The following DENND1A variants were observed in gnomAD, a reference collection of about 807,000 sequenced individuals.
DENND1A encodes the protein DENN domain-containing protein 1A.
DENND1A carries 51 observed loss-of-function variants against 113.7 expected under a neutral mutation model. That is an observed-to-expected ratio of 0.45 (90% CI 0.36 to 0.57). DENND1A has a LOEUF of 0.57. DENND1A is among the 20% of genes least tolerant of loss of function. The pLI is 0.00. For synonymous variants in DENND1A, 565 were observed against 570.8 expected, an observed-to-expected ratio of 0.99 and a Z score of 0.14; for missense variants, 1,258 against 1,395.9, an observed-to-expected ratio of 0.90 and a Z score of 1.57.
rs548709158 is a variant in DENND1A at position 123,519,412 on chromosome 9, A to G, written c.993+38158T>C. 9.3e-5 allele frequency among the ~76,000 whole-genome samples: 14 copies of G among 151,346 alleles called. No individual in the cohort carries two copies. The East Asian group carries it at 2.7e-3, about 30-fold the overall frequency. On this transcript the variant is annotated intron_variant, in intron 13 of 23. Transcript: ENST00000394215. ...GCTGACTCTTTCAGATTCCATCCCC[A>G]GAGCTGGGCTGGGTCCTCATATCTT...
chr9:123,809,639 G>A (rs1836202791), intron 2 of DENND1A, among the ~76,000 whole-genome samples: 1 of 152,150 alleles, frequency 6.6e-6, no homozygotes, highest in African/African-American at 2.4e-5. Context: ...ATTTTTCAAT[G>A]GAGAAAAATT....
At chr9:123,734,717 G>A (rs1439545572) in intron 5 of DENND1A, among the ~76,000 whole-genome samples, 2 of 152,188 alleles carry the variant, frequency 1.3e-5, no homozygotes, top group African/African-American at 4.8e-5. Context: ...GAAGAGTGGA[G>A]GAGAGAATGC....
Position 123,930,053 on chromosome 9 carries a change from T to TCGC in DENND1A, c.-151_-149dup, listed in dbSNP as rs1172827967. The TCGC allele has an allele frequency of 3.8e-3, 777 of 204,550 alleles. 4 individuals are homozygous for TCGC. Among genetic ancestry groups the TCGC allele is most frequent in the African/African-American group, 0.018 (740 of 40,922 alleles). 12.7% of individuals were successfully genotyped at this position (204,550 alleles called of 1,614,324 possible). A position where few individuals can be genotyped will look rare whatever the true frequency, so the allele number is the denominator to read the frequency against. On this transcript the variant is annotated 5_prime_UTR_variant, in exon 1 of 24. Transcript: ENST00000394215. ...GCCCGCCCGCTCGAGGCTCGCTCCC[T>TCGC]CGCCGCCGCCGCCGCCTCCAGGGGT... is the stretch of plus-strand genomic sequence containing the variant.
chr9:123,422,662 T>C lies in DENND1A; in HGVS notation c.1489-10833A>G, dbSNP rs1294634065. On this transcript the variant is annotated intron_variant, in intron 19 of 23. Transcript: ENST00000394215. This position sits in a 1 kb window ranked among gnomAD's most constrained non-coding sequence, Gnocchi z 4.8. ...CTAGCTAATAGGTTAACAACTGTTT[T>C]TCTTCAGCTTCAAATGAAGAATATC... is the stretch of plus-strand genomic sequence containing the variant. 6.6e-6 allele frequency among the ~76,000 whole-genome samples: 1 copy of C among 152,256 alleles called. No homozygotes were observed. The highest frequency in any genetic ancestry group is 2.4e-5 in the African/African-American group (1 of 41,466).
At chr9:123,731,749 G>T (rs2068190289) in intron 5 of DENND1A, among the ~76,000 whole-genome samples, 1 of 152,118 alleles carries the variant, frequency 6.6e-6, no homozygotes, top group African/African-American at 2.4e-5. Context: ...AAAATCATTT[G>T]TTCTGTAGAA....
intron 1 of DENND1A, among the ~76,000 whole-genome samples, chr9:123,882,621 C>CT (rs1848484201): frequency 6.6e-6 from 1 of 152,176 alleles, no homozygotes; most frequent in African/African-American, 2.4e-5. Flanking sequence ...CCTGATGGGT[C>CT]TCCCTGCTTT....
intron 3 of DENND1A, among the ~76,000 whole-genome samples, chr9:123,792,282 A>C (rs1046180788): frequency 3.9e-5 from 6 of 152,218 alleles, no homozygotes; most frequent in African/African-American, 1.4e-4. Context: ...TTCACAGGCA[A>C]TGCAAAAAGG....
chr9:123,797,942 GA>G (rs1026317152), intron 2 of DENND1A, among the ~76,000 whole-genome samples: 10 of 151,498 alleles, frequency 6.6e-5, no homozygotes, highest in Non-Finnish European at 1.3e-4. Context: ...TCATAAATTA[GA>G]AAAAAAATCA....
chr9:123,736,681 T>C (rs770592296), intron 5 of DENND1A, among the ~76,000 whole-genome samples: 1 of 152,170 alleles, frequency 6.6e-6, no homozygotes, highest in African/African-American at 2.4e-5. Context: ...AAGAAAACAA[T>C]TGTCAAAAAA....
intron 13 of DENND1A, among the ~76,000 whole-genome samples, chr9:123,465,582 C>T (rs2048881110): frequency 6.6e-6 from 1 of 152,140 alleles, no homozygotes; most frequent in African/African-American, 2.4e-5. Flanking sequence ...GATTCTTTCA[C>T]AATAGACTTT....
At chr9:123,432,175 G>A (rs1028621753) in intron 19 of DENND1A, among the ~76,000 whole-genome samples, 9 of 152,172 alleles carry the variant, frequency 5.9e-5, no homozygotes, top group Non-Finnish European at 1.5e-5. Flanking sequence ...CAACTCAATC[G>A]TTATGAATGT....
intron 13 of DENND1A, among the ~76,000 whole-genome samples, chr9:123,512,604 G>A (rs1373580670): frequency 6.6e-6 from 1 of 152,232 alleles, no homozygotes; most frequent in African/African-American, 2.4e-5. Context: ...AGCACTGACA[G>A]AGCGTCACAG....
chr9:123,911,403 A>G (rs1853931119), intron 1 of DENND1A, among the ~76,000 whole-genome samples: 1 of 152,260 alleles, frequency 6.6e-6, no homozygotes, highest in Non-Finnish European at 1.5e-5. Context: ...TGAACAAGCA[A>G]TTCCAATCCT....
At chr9:123,643,830 AGT>A (rs2062156249) in intron 9 of DENND1A, among the ~76,000 whole-genome samples, 2 of 152,260 alleles carry the variant, frequency 1.3e-5, no homozygotes, top group Admixed American at 6.5e-5. Flanking sequence ...TGCCTAGAGT[AGT>A]GTCAGGCGCA....
At chr9:123,816,149 C>A (rs767799341) in intron 2 of DENND1A, among the ~76,000 whole-genome samples, 1 of 151,888 alleles carries the variant, frequency 6.6e-6, no homozygotes, top group Non-Finnish European at 1.5e-5. Context: ...CAAAGGCTTG[C>A]GCCACCACAC....
At chr9:123,408,318 T>C (rs972308300) in intron 20 of DENND1A, among the ~76,000 whole-genome samples, 4 of 152,180 alleles carry the variant, frequency 2.6e-5, no homozygotes, top group Non-Finnish European at 5.9e-5. Context: ...TAAATGCATT[T>C]AGAATAAATG....
At chr9:123,603,705 A>G (rs1218668237) in intron 11 of DENND1A, among the ~76,000 whole-genome samples, 2 of 152,204 alleles carry the variant, frequency 1.3e-5, no homozygotes, top group African/African-American at 4.8e-5. Context: ...ATACATTCAT[A>G]CCCTTAAACT....
intron 2 of DENND1A, among the ~76,000 whole-genome samples, chr9:123,817,752 C>T (rs889661601): frequency 6.6e-6 from 1 of 152,042 alleles, no homozygotes; most frequent in Non-Finnish European, 1.5e-5. Context: ...GCTGGCTGGG[C>T]GTGGTGGCTC....
At chr9:123,531,994 T>C (rs1012817794) in intron 13 of DENND1A, among the ~76,000 whole-genome samples, 3 of 152,276 alleles carry the variant, frequency 2.0e-5, no homozygotes, top group Middle Eastern at 3.4e-3. Flanking sequence ...ATGGAGGTAA[T>C]TGGCAAATAC....
Sources: allele counts gnomAD v4.1 joint callset (sites outside exome capture counted in the v4.1 genomes callset), GRCh38; gene constraint gnomAD v4.1.1; non-coding constraint Gnocchi (gnomAD v3.1); transcripts MANE v1.5; gene names NCBI Gene and HGNC (gene_info 2026-07-23, HGNC 2026-07-21).